The following ERCC6 variants were observed in gnomAD, a reference collection of about 807,000 sequenced individuals.
ERCC6 encodes DNA excision repair protein ERCC-6.
In ERCC6, 116 loss-of-function variants were observed where a neutral mutation model predicts 158.7. The observed-to-expected ratio is 0.73, with a 90% CI of 0.63 to 0.85. The LOEUF is 0.85. Ranked by LOEUF, ERCC6 falls within the 40% of genes least tolerant of loss-of-function variation. ERCC6 has a pLI of 0.00. For missense variants in ERCC6, 1,698 were observed against 1,799.4 expected, an observed-to-expected ratio of 0.94 and a Z score of 1.02; for synonymous variants, 678 against 659.3, an observed-to-expected ratio of 1.03 and a Z score of -0.43.
At chr10:49,538,242 A>G (rs1044021336) in intron 1 of ERCC6, among the ~76,000 whole-genome samples, 10 of 152,348 alleles carry the variant, frequency 6.6e-5, no homozygotes, top group African/African-American at 2.4e-4. Flanking sequence ...TTGGTCGGAC[A>G]CAGGCACAGT....
Position 49,474,181 on chromosome 10 carries a change from C to T in ERCC6, c.2444G>A (p.Gly815Asp). 1 of 1,614,096 alleles carries T rather than the reference C, an allele frequency of 6.2e-7. No homozygotes were observed. Among genetic ancestry groups the T allele is most frequent in the South Asian group, 1.1e-5 (1 of 91,080 alleles). ...ICNHPDLFSG[G>D]PKNLKGLPDD... is the part of the protein sequence containing the mutation. ...AGGAAGACCTTTGAGATTCTTGGGA[C>T]CTCCAGAAAAGAGATCAGGGTGGTT... The change falls in exon 13 of 21, where the codon GGT becomes GAT. Residue 815 changes from glycine to aspartate, a missense_variant. Coordinates refer to ENST00000355832, the MANE Select transcript of ERCC6 (RefSeq NM_000124.4).
chr10:49,438,064 C>A, the ERCC6 span, among the ~76,000 whole-genome samples: 1 of 152,058 alleles, frequency 6.6e-6, no homozygotes, highest in East Asian at 1.9e-4. Flanking sequence ...TTTCTAAAAA[C>A]GTATTCTTGA....
chr10:49,496,706 G>C (rs1020369454), intron 7 of ERCC6, among the ~76,000 whole-genome samples: 1 of 152,154 alleles, frequency 6.6e-6, no homozygotes, highest in Non-Finnish European at 1.5e-5. Flanking sequence ...TACTTGGGAG[G>C]CTGAGGCAGG....
chr10:49,528,406 A>G lies in ERCC6; in HGVS notation c.652+11T>C. On this transcript the variant is annotated intron_variant, in intron 4 of 20. Coordinates refer to ENST00000355832, the MANE Select transcript of ERCC6 (RefSeq NM_000124.4). Reference sequence around the variant, plus strand: ...TCAAGAACACAGAGAAACTGCTCCTAGCATCCTCACCTGCATCCTCCTCCA... The same window carrying G: ...TCAAGAACACAGAGAAACTGCTCCTGGCATCCTCACCTGCATCCTCCTCCA... The G allele has an allele frequency of 1.9e-6, 3 of 1,614,096 alleles. No individual in the cohort carries two copies. The highest frequency in any genetic ancestry group is 2.5e-6 in the Non-Finnish European group (3 of 1,179,962).
At chr10:49,474,709 G>C (rs999573127) in intron 12 of ERCC6, among the ~76,000 whole-genome samples, 2 of 152,136 alleles carry the variant, frequency 1.3e-5, no homozygotes, top group African/African-American at 4.8e-5. Context: ...ATATGAGTCA[G>C]AGGTTGAGGA....
intron 7 of ERCC6, among the ~76,000 whole-genome samples, chr10:49,498,913 G>C (rs1359691622): frequency 6.6e-6 from 1 of 152,168 alleles, no homozygotes; most frequent in African/African-American, 2.4e-5. Flanking sequence ...GAAAGAAAGA[G>C]TCCTAGAAAC....
intron 1 of ERCC6, among the ~76,000 whole-genome samples, chr10:49,538,434 C>T (rs1300828604): frequency 1.3e-5 from 2 of 152,152 alleles, no homozygotes; most frequent in African/African-American, 4.8e-5. Flanking sequence ...GGAGACAAAG[C>T]AACAAGAAGA....
At chr10:49,521,677 C>T (rs975616897) in intron 5 of ERCC6, among the ~76,000 whole-genome samples, 2 of 152,148 alleles carry the variant, frequency 1.3e-5, no homozygotes, top group African/African-American at 4.8e-5. Context: ...AGGAGTCAGC[C>T]TCCAGATACA....
intron 4 of ERCC6, 124 bp from the exon 5 acceptor site, chr10:49,524,901 C>T: frequency 6.5e-7 from 1 of 1,532,726 alleles, no homozygotes. Context: ...AAGAATCATC[C>T]ATGTACTAAA....
chr10:49,458,691 A>G lies in ERCC6; in HGVS notation c.*124T>C. On this transcript the variant is annotated 3_prime_UTR_variant, in exon 21 of 21. Coordinates refer to ENST00000355832, the MANE Select transcript of ERCC6 (RefSeq NM_000124.4). ...CCTTAAAGTTTTAATTCTGAGGTAG[A>G]CATCATGCAAACAAACATCAAGTGC... The G allele has an allele frequency of 2.2e-6, 2 of 916,718 alleles. No individual in the cohort carries two copies. The highest frequency in any genetic ancestry group is 2.9e-5 in the South Asian group (2 of 68,946). The allele number at this position is 916,718 out of a possible 1,614,324, so 56.8% of individuals were successfully genotyped here. A position where few individuals can be genotyped will look rare whatever the true frequency, so the allele number is the denominator to read the frequency against.
At chr10:49,516,806 CCTT>C in intron 5 of ERCC6, 1 of 1,614,124 alleles carries the variant, frequency 6.2e-7, no homozygotes, top group Non-Finnish European at 8.5e-7. Context: ...TTTTCCTCCT[CCTT>C]GATGGTGGAG....
At chr10:49,536,058 G>C (rs1481883716) in intron 1 of ERCC6, among the ~76,000 whole-genome samples, 1 of 152,236 alleles carries the variant, frequency 6.6e-6, no homozygotes, top group African/African-American at 2.4e-5. Context: ...AGAGGTTGCA[G>C]TGAGCTGAGA....
chr10:49,516,294 AC>A (rs1375225442), intron 5 of ERCC6: 1 of 1,614,136 alleles, frequency 6.2e-7, no homozygotes, highest in East Asian at 2.2e-5. Context: ...AAAATAAGGA[AC>A]CATGAATTCA....
In ERCC6 at chr10:49,482,842, T is replaced by C; in HGVS notation, c.2014A>G (p.Ile672Val). 3 of 1,614,092 alleles carry C rather than the reference T, an allele frequency of 1.9e-6. No homozygotes were observed. Among genetic ancestry groups the C allele is most frequent in the Non-Finnish European group, 2.5e-6 (3 of 1,179,998 alleles). The change falls in exon 10 of 21, where the codon ATT becomes GTT. Residue 672 changes from isoleucine to valine, a missense_variant. Transcript: ENST00000355832. ...TTTTGCATCGGTGAGCCAGACAGAA[T>C]GATCCGATGAGGGGTGCGAAACTAT... ...CKQFRTPHRIILSGSPMQNNL... is the reference protein window; with the variant it reads ...CKQFRTPHRIVLSGSPMQNNL...
At chr10:49,539,137 A>C (rs1353356736), upstream of ERCC6, 2 of 152,302 alleles carry the variant, frequency 1.3e-5, no homozygotes, top group African/African-American at 2.4e-5. Flanking sequence ...CGCCTGGCTC[A>C]GCGTTTGTTT....
Position 49,500,569 on chromosome 10 carries a change from T to A in ERCC6, c.1654A>T (p.Ser552Cys). ...TTTGAACCACGAGTCCTGATCTTGCTGTAGCTCAGACCTGCCAAGAAGGCA... is the reference window on the plus strand; with the variant it reads ...TTTGAACCACGAGTCCTGATCTTGCAGTAGCTCAGACCTGCCAAGAAGGCA... ...IIAFLAGLSY[S>C]KIRTRGSNYR... Residue 552 changes from serine (S) to cysteine (C), a missense_variant, in exon 7 of 21, where the codon AGC (serine) becomes TGC (cysteine). Ser to Cys is a moderately radical substitution (Grantham distance 112). Transcript: ENST00000355832. The A allele has an allele frequency of 6.2e-7, 1 of 1,614,014 alleles. No individual in the cohort carries two copies. Among genetic ancestry groups the A allele is most frequent in the Non-Finnish European group, 8.5e-7 (1 of 1,179,896 alleles).
intron 10 of ERCC6, among the ~76,000 whole-genome samples, chr10:49,481,059 TG>T (rs1461301820): frequency 4.6e-5 from 7 of 152,258 alleles, no homozygotes; most frequent in African/African-American, 1.7e-4. Context: ...AGGCGATCCT[TG>T]TTTTTGGAAA....
In ERCC6 at chr10:49,524,739, C is replaced by A; in HGVS notation, c.691G>T (p.Val231Phe). The part of the protein sequence containing the change: ...PSSLGSMLMP[V>F]QETAWEELIR... Reference sequence around the variant, plus strand: ...AGCTCTTCCCAGGCAGTCTCCTGGACAGGCATGAGCATGCTGCCAAGACTG... The same window carrying A: ...AGCTCTTCCCAGGCAGTCTCCTGGAAAGGCATGAGCATGCTGCCAAGACTG... Residue 231 changes from valine (V) to phenylalanine (F), a missense_variant, in exon 5 of 21, where the codon GTC (valine) becomes TTC (phenylalanine). By Grantham distance (50) the Val-to-Phe change is conservative. Coordinates refer to ENST00000355832, the MANE Select transcript of ERCC6 (RefSeq NM_000124.4). 6.2e-7 allele frequency: 1 copy of A among 1,604,766 alleles called. No homozygotes were observed. Among genetic ancestry groups the A allele is most frequent in the Non-Finnish European group, 8.5e-7 (1 of 1,179,996 alleles).
chr10:49,527,873 CAAT>C (rs937699111), intron 4 of ERCC6, among the ~76,000 whole-genome samples: 12 of 152,226 alleles, frequency 7.9e-5, no homozygotes, highest in Admixed American at 5.9e-4. Context: ...TACACACACA[CAAT>C]GACTGCAAAG....
Sources: gnomAD v4.1 joint callset for allele counts (sites outside exome capture counted in the v4.1 genomes callset) on GRCh38, gnomAD v4.1.1 for gene constraint, MANE v1.5 for transcripts, NCBI Gene and HGNC (gene_info 2026-07-23, HGNC 2026-07-21) for gene names.